The following SLC38A10 variants were observed in gnomAD, a reference collection of about 807,000 sequenced individuals.
SLC38A10 encodes solute carrier family 38 member 10.
A neutral mutation model predicts 81.0 loss-of-function variants in SLC38A10; 53 were observed. The observed-to-expected ratio is 0.65, with a 90% confidence interval of 0.53 to 0.82. The LOEUF is 0.82. Ranked by LOEUF, SLC38A10 falls within the 40% of genes least tolerant of loss-of-function variation. The pLI, the probability that SLC38A10 is intolerant of heterozygous loss-of-function variation, is 0.00. For synonymous variants in SLC38A10, 665 were observed against 655.3 expected (o/e 1.01, Z -0.23); for missense variants, 1,471 against 1,545.0 (o/e 0.95, Z 0.80).
At chr17:81,274,713 A>G (rs1381280174) in intron 8 of SLC38A10, among the ~76,000 whole-genome samples, 1 of 152,052 alleles carries the variant, frequency 6.6e-6, no homozygotes, top group African/African-American at 2.4e-5. Flanking sequence ...ACTCTGCCGC[A>G]AGGAGAGAAC....
chr17:81,293,090 G>T (rs2063322862), intron 1 of SLC38A10, among the ~76,000 whole-genome samples: 1 of 152,258 alleles, frequency 6.6e-6, no homozygotes. Flanking sequence ...TCGAACCCTG[G>T]AGGCAGAGGT....
At chr17:81,269,810 C>T (rs965287555) in intron 10 of SLC38A10, among the ~76,000 whole-genome samples, 1 of 151,846 alleles carries the variant, frequency 6.6e-6, no homozygotes, top group East Asian at 1.9e-4. Context: ...CACGGAGAAA[C>T]CCCGTCTCAC....
chr17:81,270,398 T>C lies in SLC38A10; in HGVS notation c.1131+520A>G, dbSNP rs998249282. Among the ~76,000 whole-genome samples, 1 of 152,196 alleles carries C rather than the reference T, an allele frequency of 6.6e-6. No individual in the cohort carries two copies. The highest frequency in any genetic ancestry group is 2.4e-5 in the African/African-American group (1 of 41,450). On this transcript the variant is annotated intron_variant, in intron 10 of 15. Transcript: ENST00000374759. This position sits in a 1 kb window ranked among gnomAD's most constrained non-coding sequence, Gnocchi z 4.0. ...TGGAATCTTCCTACCACGGAACCCA[T>C]GAAACGGCTAAAAATAGCGAGGCAG...
At chr17:81,252,996 C>T in intron 12 of SLC38A10, 77 bp downstream of exon 12, 1 of 1,541,044 alleles carries the variant, frequency 6.5e-7, no homozygotes, top group Non-Finnish European at 8.8e-7. Context: ...TGAGAGCCAC[C>T]CCGCAGGGTG....
chr17:81,260,212 G>A, intron 11 of SLC38A10, 26 bp downstream of exon 11: 1 of 1,582,816 alleles, frequency 6.3e-7, no homozygotes, highest in Non-Finnish European at 8.6e-7. Flanking sequence ...GCCCTGAGAA[G>A]GCTCAGAGAG....
chr17:81,282,142 G>A (rs1223988247), intron 5 of SLC38A10, 47 bp downstream of exon 5: 4 of 1,607,692 alleles, frequency 2.5e-6, no homozygotes, highest in Non-Finnish European at 3.4e-6. Context: ...GAAAGAATGG[G>A]CCAGGAGCAG....
In SLC38A10 at chr17:81,289,034, T is replaced by A. The variant is rs2146957385; in HGVS notation, c.217+657A>T. On this transcript the variant is annotated intron_variant, in intron 2 of 15. Transcript: ENST00000374759. The surrounding 1 kb of genome is among the most constrained non-coding windows in gnomAD (Gnocchi z 5.9). ...TCACTCCAATTTTGAAGCATGTGAT[T>A]ATAACAGGTTTTTCTTTTTTTTTCC... The A allele has an allele frequency of 6.6e-6, 1 of 152,350 alleles. No individual in the cohort carries two copies. The highest frequency in any genetic ancestry group is 1.5e-5 in the Non-Finnish European group (1 of 68,062). 9.4% of individuals were successfully genotyped at this position (152,350 alleles called of 1,614,324 possible). A position where few individuals can be genotyped will look rare whatever the true frequency, so the allele number is the denominator to read the frequency against.
rs939071287 is a variant in SLC38A10 at position 81,253,874 on chromosome 17, T to G, written c.1289-634A>C. On this transcript the variant is annotated intron_variant, in intron 11 of 15. Coordinates refer to ENST00000374759, the MANE Select transcript of SLC38A10 (RefSeq NM_001037984.3). The surrounding 1 kb of genome is among the most constrained non-coding windows in gnomAD (Gnocchi z 4.1). ...ATCTCCATCCCTACCACCATCACCA[T>G]CATCATCACCATCACCACTACCATC... Among the ~76,000 whole-genome samples the G allele has an allele frequency of 1.4e-5, 2 of 146,722 alleles. No homozygotes were observed. Among genetic ancestry groups the G allele is most frequent in the African/African-American group, 2.5e-5 (1 of 39,696 alleles).
Position 81,245,464 on chromosome 17 carries a change from G to T in SLC38A10, c.*92C>A. ...TGAAACCCTGGGGAGAGGCGAGTGTGACCTCCAGAGTTTGGCTGGGATGCG... is the reference window on the plus strand; with the variant it reads ...TGAAACCCTGGGGAGAGGCGAGTGTTACCTCCAGAGTTTGGCTGGGATGCG... On this transcript the variant is annotated 3_prime_UTR_variant, in exon 16 of 16. Coordinates refer to ENST00000374759, the MANE Select transcript of SLC38A10 (RefSeq NM_001037984.3). 6.9e-7 allele frequency: 1 copy of T among 1,456,776 alleles called. No individual in the cohort carries two copies. Among genetic ancestry groups the T allele is most frequent in the South Asian group, 1.4e-5 (1 of 73,772 alleles). The allele number at this position is 1,456,776 out of a possible 1,614,324, so 90.2% of individuals were successfully genotyped here. A position where few individuals can be genotyped will look rare whatever the true frequency, so the allele number is the denominator to read the frequency against.
chr17:81,276,986 T>C lies in SLC38A10; in HGVS notation c.729+45A>G. The C allele has an allele frequency of 6.3e-7, 1 of 1,587,378 alleles. No individual in the cohort carries two copies. Among genetic ancestry groups the C allele is most frequent in the East Asian group, 2.2e-5 (1 of 44,634 alleles). ...TCCCACGGGGCACCACGGCACATCATGCTGGCATGACACAGGGGCGGAGAG... is the reference window on the plus strand; with the variant it reads ...TCCCACGGGGCACCACGGCACATCACGCTGGCATGACACAGGGGCGGAGAG... On this transcript the variant is annotated intron_variant, in intron 7 of 15. Coordinates refer to ENST00000374759, the MANE Select transcript of SLC38A10 (RefSeq NM_001037984.3). This position sits in a 1 kb window ranked among gnomAD's most constrained non-coding sequence, Gnocchi z 4.7.
chr17:81,247,170 T>G, intron 14 of SLC38A10, 109 bp from the exon 15 acceptor site: 2 of 1,209,034 alleles, frequency 1.7e-6, no homozygotes, highest in South Asian at 1.6e-5. Context: ...CTGCAGGGAG[T>G]GTGCCCGAAC....
intron 10 of SLC38A10, among the ~76,000 whole-genome samples, chr17:81,269,534 A>G (rs1475427966): frequency 6.6e-6 from 1 of 152,030 alleles, no homozygotes; most frequent in Non-Finnish European, 1.5e-5. Flanking sequence ...GAATCTATTT[A>G]CCGCAACTTG....
chr17:81,294,741 G>T, intron 1 of SLC38A10, 82 bp downstream of exon 1: 1 of 1,315,870 alleles, frequency 7.6e-7, no homozygotes, highest in Non-Finnish European at 1.0e-6. Flanking sequence ...GCCCCGGCGG[G>T]AACTTTAACC....
At position 81,253,543 on chromosome 17, in the gene SLC38A10, C is replaced by G. The variant is rs1336769738; in HGVS notation, c.1289-303G>C. Among the ~76,000 whole-genome samples, 1 of 152,046 alleles carries G rather than the reference C, an allele frequency of 6.6e-6. No homozygotes were observed. Among genetic ancestry groups the G allele is most frequent in the Non-Finnish European group, 1.5e-5 (1 of 68,008 alleles). ...CCCACCGACCCACTCTCCCACAGTC[C>G]CCTCCATTACCATCACCTCCATCAT... On this transcript the variant is annotated intron_variant, in intron 11 of 15. Transcript: ENST00000374759. The surrounding 1 kb of genome is among the most constrained non-coding windows in gnomAD (Gnocchi z 4.1).
chr17:81,285,015 G>A (rs951133163), intron 2 of SLC38A10, 120 bp from the exon 3 acceptor site: 7 of 711,900 alleles, frequency 9.8e-6, no homozygotes, highest in Middle Eastern at 2.5e-4. Flanking sequence ...AGATTCTCCG[G>A]GGCATGAGGG....
chr17:81,250,065 C>T (rs1012950916), intron 14 of SLC38A10: 3 of 1,288,586 alleles, frequency 2.3e-6, no homozygotes, highest in Non-Finnish European at 3.0e-6. Context: ...CCTTTGGGTT[C>T]GTACCTGCTA....
intron 13 of SLC38A10, 36 bp from the exon 14 acceptor site, chr17:81,251,648 G>A: frequency 6.8e-7 from 1 of 1,461,260 alleles, no homozygotes; most frequent in African/African-American, 1.4e-5. Context: ...GGTTTTGCAG[G>A]AAAGTCAAGG....
rs772970050 is a variant in SLC38A10 at position 81,289,668 on chromosome 17, A to C, written c.217+23T>G. ...AGGCCCCCGCCCCAGGTCCAGAGCCACCTTGTGGAGAGGGCGCCTCACCCA... is the reference window on the plus strand; with the variant it reads ...AGGCCCCCGCCCCAGGTCCAGAGCCCCCTTGTGGAGAGGGCGCCTCACCCA... On this transcript the variant is annotated intron_variant, in intron 2 of 15. Coordinates refer to ENST00000374759, the MANE Select transcript of SLC38A10 (RefSeq NM_001037984.3). This position sits in a 1 kb window ranked among gnomAD's most constrained non-coding sequence, Gnocchi z 5.9. 6.3e-7 allele frequency: 1 copy of C among 1,578,328 alleles called. No individual in the cohort carries two copies. The highest frequency in any genetic ancestry group is 1.1e-5 in the South Asian group (1 of 88,750).
chr17:81,269,222 A>T (rs1277372234), intron 10 of SLC38A10, among the ~76,000 whole-genome samples: 1 of 152,240 alleles, frequency 6.6e-6, no homozygotes, highest in Non-Finnish European at 1.5e-5. Flanking sequence ...TGATTAAAAA[A>T]TCCATAAGGG....
Sources: allele counts gnomAD v4.1 joint callset (sites outside exome capture counted in the v4.1 genomes callset), GRCh38; gene constraint gnomAD v4.1.1; non-coding constraint Gnocchi (gnomAD v3.1); transcripts MANE v1.5; gene names NCBI Gene and HGNC (gene_info 2026-07-23, HGNC 2026-07-21).